Variants in CYP20A1 observed in about 807,000 individuals in gnomAD.
CYP20A1 encodes the protein cytochrome P450 20A1.
Under a neutral mutation model 61.4 loss-of-function variants are expected in CYP20A1, and 61 were observed. The observed-to-expected ratio is 0.99, with a 90% CI of 0.81 to 1.23. CYP20A1 has a LOEUF of 1.23. Ranked by LOEUF, CYP20A1 falls within the 50% of genes most tolerant of loss-of-function variation. CYP20A1 has a pLI of 0.00. For synonymous variants in CYP20A1, 193 were observed against 188.2 expected, an observed-to-expected ratio of 1.03 and a Z score of -0.21; for missense variants, 530 against 542.4, an observed-to-expected ratio of 0.98 and a Z score of 0.23.
At chr2:203,271,082 A>ATATATTTTTT (rs1178482961) in intron 5 of CYP20A1, among the ~76,000 whole-genome samples, 5 of 31,640 alleles carry the variant, frequency 1.6e-4, no homozygotes, top group Non-Finnish European at 2.9e-4. Context: ...ATATATATAT[A>ATATATTTTTT]TTTTTTTTTT....
chr2:203,245,979 G>T, intron 2 of CYP20A1, 84 bp downstream of exon 2: 1 of 927,216 alleles, frequency 1.1e-6, no homozygotes, highest in South Asian at 1.6e-5. Flanking sequence ...AGCCAATCAT[G>T]GTAGCTGTTG....
At chr2:203,285,564 G>T in intron 8 of CYP20A1, 48 bp from the exon 9 acceptor site, 1 of 1,480,804 alleles carries the variant, frequency 6.8e-7, no homozygotes, top group Non-Finnish European at 8.9e-7. Context: ...CTATACCCAA[G>T]CCATGAGTTA....
intron 4 of CYP20A1, among the ~76,000 whole-genome samples, chr2:203,256,194 C>T (rs772036937): frequency 6.6e-6 from 1 of 151,976 alleles, no homozygotes; most frequent in Non-Finnish European, 1.5e-5. Context: ...GTCTTGAACT[C>T]GTGGCCTCAA....
chr2:203,245,993 G>A, intron 2 of CYP20A1, 98 bp downstream of exon 2: 2 of 801,556 alleles, frequency 2.5e-6, no homozygotes, highest in African/African-American at 1.7e-5. Flanking sequence ...GCTGTTGCCA[G>A]CTACTGAGGA....
chr2:203,272,301 G>A (rs2152084217), intron 5 of CYP20A1, among the ~76,000 whole-genome samples: 1 of 152,230 alleles, frequency 6.6e-6, no homozygotes, highest in South Asian at 2.1e-4. Context: ...CCAACACTTT[G>A]GGAGACTGAG....
chr2:203,246,767 T>A lies in CYP20A1; in HGVS notation c.135T>A (p.Leu45=). Residue 45 remains leucine (L), a synonymous_variant, in exon 3 of 13, where the codon CTT becomes CTA. Coordinates refer to ENST00000356079, the MANE Select transcript of CYP20A1 (RefSeq NM_177538.3). ...GCTCTTTTGCCAGAGATGGTAATCT[T>A]CCAGATATTGTGAATAGTGGAAGTT... is the stretch of plus-strand genomic sequence containing the variant. The part of the protein sequence containing the change: ...ITPTEEKDGN[L]PDIVNSGSLH... 6.2e-7 allele frequency: 1 copy of A among 1,613,524 alleles called. No individual in the cohort carries two copies. Among genetic ancestry groups the A allele is most frequent in the Middle Eastern group, 1.7e-4 (1 of 6,058 alleles).
rs2068935411 is a variant in CYP20A1, at chr2:203,299,448, T to C, written c.*2540T>C. On this transcript the variant is annotated 3_prime_UTR_variant, in exon 13 of 13. Transcript: ENST00000356079. ...TCTCTTAAAAAAAAAAATCCCTTTG[T>C]TGTTGAGTTATTTTATGTCATTTAT... is the stretch of plus-strand genomic sequence containing the variant. Among the ~76,000 whole-genome samples the C allele has an allele frequency of 6.6e-6, 1 of 152,194 alleles. No homozygotes were observed. The highest frequency in any genetic ancestry group is 2.1e-4 in the South Asian group (1 of 4,832).
intron 5 of CYP20A1, among the ~76,000 whole-genome samples, chr2:203,271,963 G>A (rs182057809): frequency 6.6e-6 from 1 of 151,958 alleles, no homozygotes; most frequent in Admixed American, 6.5e-5. Context: ...GGAGGTGGAA[G>A]TTGCAGTCAG....
At chr2:203,277,703 A>G (rs919849821) in intron 6 of CYP20A1, among the ~76,000 whole-genome samples, 12 of 151,864 alleles carry the variant, frequency 7.9e-5, no homozygotes, top group Non-Finnish European at 1.3e-4. Flanking sequence ...TTTAGTAGAG[A>G]TGGGGTTTTG....
chr2:203,253,949 T>C (rs547080984), intron 4 of CYP20A1, among the ~76,000 whole-genome samples: 13 of 152,048 alleles, frequency 8.5e-5, no homozygotes, highest in African/African-American at 2.7e-4. Flanking sequence ...CTTTTCTTTC[T>C]TTTTTTCTTT....
chr2:203,300,625 C>A lies in CYP20A1; in HGVS notation c.*3717C>A, dbSNP rs1220953135. ...ATAAGCATGGCCGGGCACAGTGGCT[C>A]ACACCTGTAATCCCAGCTCTTTGGG... On this transcript the variant is annotated 3_prime_UTR_variant, in exon 13 of 13. Coordinates refer to ENST00000356079, the MANE Select transcript of CYP20A1 (RefSeq NM_177538.3). Among the ~76,000 whole-genome samples the A allele has an allele frequency of 6.6e-6, 1 of 152,152 alleles. No individual in the cohort carries two copies. The highest frequency in any genetic ancestry group is 1.9e-4 in the East Asian group (1 of 5,200).
intron 4 of CYP20A1, among the ~76,000 whole-genome samples, chr2:203,255,010 A>G (rs1038358327): frequency 2.0e-5 from 3 of 152,090 alleles, no homozygotes; most frequent in Admixed American, 1.3e-4. Flanking sequence ...AAAGAGGAAA[A>G]AAGAAAAGAA....
chr2:203,294,405 C>T (rs930392986), intron 11 of CYP20A1, among the ~76,000 whole-genome samples: 3 of 151,462 alleles, frequency 2.0e-5, no homozygotes, highest in South Asian at 2.1e-4. Flanking sequence ...GGTGTGGTGG[C>T]GCATGCCTGT....
rs2068956186 is a variant in CYP20A1, at chr2:203,299,981, C to G, written c.*3073C>G. Among the ~76,000 whole-genome samples, 1 of 152,116 alleles carries G rather than the reference C, an allele frequency of 6.6e-6. No homozygotes were observed. Among genetic ancestry groups the G allele is most frequent in the African/African-American group, 2.4e-5 (1 of 41,424 alleles). The stretch of plus-strand genomic sequence containing the variant: ...AGCATCTTCCTTTGTTACCCAAGTA[C>G]CTCGAATGGGTTGGAAACTGGCGGT... On this transcript the variant is annotated 3_prime_UTR_variant, in exon 13 of 13. Transcript: ENST00000356079.
Position 203,301,826 on chromosome 2 carries a change from A to G in CYP20A1, c.*4918A>G, listed in dbSNP as rs80152811. On this transcript the variant is annotated 3_prime_UTR_variant, in exon 13 of 13. Transcript: ENST00000356079. ...GCTTTATTATGAAATAATAATGTTT[A>G]TTGTAGAAAAATCTAGGAAAACACA... Among the ~76,000 whole-genome samples, 1 of 150,778 alleles carries G rather than the reference A, an allele frequency of 6.6e-6. No homozygotes were observed. Among genetic ancestry groups the G allele is most frequent in the East Asian group, 2.0e-4 (1 of 5,120 alleles).
chr2:203,275,560 C>T (rs2067782492), intron 6 of CYP20A1, among the ~76,000 whole-genome samples: 1 of 152,018 alleles, frequency 6.6e-6, no homozygotes, highest in African/African-American at 2.4e-5. Flanking sequence ...GGGCCTCAGC[C>T]TCCCAAGTAG....
chr2:203,254,515 C>T (rs1278758808), intron 4 of CYP20A1, among the ~76,000 whole-genome samples: 1 of 149,618 alleles, frequency 6.7e-6, no homozygotes, highest in African/African-American at 2.5e-5. Context: ...ACTCACTGCA[C>T]TCCAGTCTGG....
At chr2:203,256,390 C>T (rs1432511848) in intron 4 of CYP20A1, among the ~76,000 whole-genome samples, 2 of 152,022 alleles carry the variant, frequency 1.3e-5, no homozygotes, top group Non-Finnish European at 2.9e-5. Context: ...GATGGAGTCT[C>T]GCTCTGTCTG....
Position 203,302,314 on chromosome 2 carries a change from T to C in CYP20A1, c.*5406T>C, listed in dbSNP as rs1167808778. On this transcript the variant is annotated 3_prime_UTR_variant, in exon 13 of 13. Transcript: ENST00000356079. ...GGGAGTTCAAGGCGGCCAGATTGCT[T>C]GAGCTTTTAGAAGTTTGAGACCAGC... 6.6e-6 allele frequency among the ~76,000 whole-genome samples: 1 copy of C among 152,130 alleles called. No homozygotes were observed. The highest frequency in any genetic ancestry group is 2.4e-5 in the African/African-American group (1 of 41,448).
Sources: gnomAD v4.1 joint callset for allele counts (sites outside exome capture counted in the v4.1 genomes callset) on GRCh38, gnomAD v4.1.1 for gene constraint, MANE v1.5 for transcripts, NCBI Gene and HGNC (gene_info 2026-07-23, HGNC 2026-07-21) for gene names.